The following RFLNA variants were observed in gnomAD, a reference collection of about 807,000 sequenced individuals.
The protein encoded by RFLNA is refilin A, also known as refilin-A.
RFLNA carries 5 observed loss-of-function variants against 7.8 expected under a neutral mutation model. The ratio of observed to expected loss-of-function variants is 0.64; its 90% CI spans 0.34 to 1.35. The LOEUF (loss-of-function observed/expected upper bound fraction) is 1.35, where lower values mean the gene tolerates loss of function less well. Among genes scored for constraint, RFLNA ranks in the 40% most tolerant of loss-of-function variants. RFLNA has a pLI of 0.04. For missense variants in RFLNA, 278 were observed against 305.5 expected (o/e 0.91, Z 0.67); for synonymous variants, 141 against 131.3 (o/e 1.07, Z -0.50).
In RFLNA at chr12:124,304,530, G is replaced by A. The variant is rs1421306405; in HGVS notation, c.208-7288G>A. On this transcript the variant is annotated intron_variant, in intron 1 of 2. Transcript: ENST00000546355. Reference sequence around the variant, plus strand: ...AGGGGCTGCCTTTGTCGGCGCCCACGTTCCAGGTGTGGTGGTATCCGGAGG... The same window carrying A: ...AGGGGCTGCCTTTGTCGGCGCCCACATTCCAGGTGTGGTGGTATCCGGAGG... 7.0e-4 allele frequency among the ~76,000 whole-genome samples: 106 copies of A among 152,366 alleles called. 1 individual carries two copies. The highest frequency in any genetic ancestry group is 5.9e-5 in the Non-Finnish European group (4 of 68,032).
rs761016824 is a variant in RFLNA, at chr12:124,315,052, A to G, written c.*527A>G. On this transcript the variant is annotated 3_prime_UTR_variant, in exon 3 of 3. Coordinates refer to ENST00000546355, the MANE Select transcript of RFLNA (RefSeq NM_001365156.1). ...CAAAACAGCCTTTTCGCACACATGCAGGTTGCACCGAGAGGTCTGGAGCTG... is the reference window on the plus strand; with the variant it reads ...CAAAACAGCCTTTTCGCACACATGCGGGTTGCACCGAGAGGTCTGGAGCTG... 4.2e-5 allele frequency: 10 copies of G among 236,156 alleles called. No homozygotes were observed. Among genetic ancestry groups the G allele is most frequent in the Admixed American group, 3.4e-4 (7 of 20,324 alleles). 14.6% of individuals were successfully genotyped at this position (236,156 alleles called of 1,614,324 possible).
chr12:124,312,286 A>G lies in RFLNA; in HGVS notation c.317+359A>G, dbSNP rs559687469. Among the ~76,000 whole-genome samples, 91 of 149,140 alleles carry G rather than the reference A, an allele frequency of 6.1e-4. 1 individual carries two copies. Among genetic ancestry groups the G allele is most frequent in the Non-Finnish European group, 1.1e-3 (74 of 67,450 alleles). ...AAATTATGAACATAACCACTTGTGC[A>G]CCCTAACTCTACCTCCCTTCTCCTG... On this transcript the variant is annotated intron_variant, in intron 2 of 2. Transcript: ENST00000546355.
In RFLNA at chr12:124,308,433, G is replaced by T. The variant is rs75914057; in HGVS notation, c.208-3385G>T. ...AGGGTCTGCGTGGACATGGGCTTTG[G>T]GGGGGGACCCTGTTCTACCCACACT... is the stretch of plus-strand genomic sequence containing the variant. On this transcript the variant is annotated intron_variant, in intron 1 of 2. Coordinates refer to ENST00000546355, the MANE Select transcript of RFLNA (RefSeq NM_001365156.1). 1.9e-4 allele frequency among the ~76,000 whole-genome samples: 29 copies of T among 152,168 alleles called. 1 individual carries two copies. In the East Asian group the frequency reaches 1.9e-3, roughly 10 times the overall value.
Position 124,314,406 on chromosome 12 carries a change from A to G in RFLNA, c.532A>G (p.Thr178Ala). The change falls in exon 3 of 3, where the codon ACT becomes GCT. Residue 178 changes from threonine (T) to alanine (A), a missense_variant. Thr to Ala is a moderately conservative substitution (Grantham distance 58). Coordinates refer to ENST00000546355, the MANE Select transcript of RFLNA (RefSeq NM_001365156.1). ...TIIFPKHARS[T>A]FRTTLHCSLG... ...CATCTTCCCCAAGCATGCCAGGAGC[A>G]CTTTCCGGACCACCCTGCACTGCAG... The G allele has an allele frequency of 6.2e-7, 1 of 1,608,544 alleles. No individual in the cohort carries two copies. Among genetic ancestry groups the G allele is most frequent in the South Asian group, 1.1e-5 (1 of 91,088 alleles).
chr12:124,308,800 C>G (rs1257208972), intron 1 of RFLNA, among the ~76,000 whole-genome samples: 1 of 152,250 alleles, frequency 6.6e-6, no homozygotes, highest in Non-Finnish European at 1.5e-5. Flanking sequence ...CTGCACACAG[C>G]AGGCAGTGGT....
At chr12:124,311,544 G>A (rs1054032038) in intron 1 of RFLNA, among the ~76,000 whole-genome samples, 1 of 152,222 alleles carries the variant, frequency 6.6e-6, no homozygotes, top group Non-Finnish European at 1.5e-5. Context: ...TGCAGTGAGA[G>A]GCCATGACCA....
chr12:124,300,096 G>GC (rs1340809340), intron 1 of RFLNA, among the ~76,000 whole-genome samples: 1 of 152,222 alleles, frequency 6.6e-6, no homozygotes, highest in African/African-American at 2.4e-5. Flanking sequence ...CAAATGAACA[G>GC]CCCCCCTGTG....
intron 1 of RFLNA, among the ~76,000 whole-genome samples, chr12:124,298,690 G>A (rs2033973728): frequency 6.6e-6 from 1 of 152,250 alleles, no homozygotes; most frequent in African/African-American, 2.4e-5. Context: ...TGAACTATGT[G>A]TGGCAGCAGC....
At chr12:124,294,532 C>G (rs1431483467), upstream of RFLNA, among the ~76,000 whole-genome samples, 1 of 152,200 alleles carries the variant, frequency 6.6e-6, no homozygotes, top group African/African-American at 2.4e-5. Flanking sequence ...GAGCGAGGAC[C>G]TGCCTGGAAA....
rs944343012 is a variant in RFLNA at position 124,314,580 on chromosome 12, C to T, written c.*55C>T. The T allele has an allele frequency of 4.0e-5, 62 of 1,535,574 alleles. No homozygotes were observed. Among genetic ancestry groups the T allele is most frequent in the East Asian group, 1.5e-4 (6 of 40,878 alleles). The stretch of plus-strand genomic sequence containing the variant: ...GGAGCCGGGAGCCCTGGGGAGAAGC[C>T]GGGAGGATGGACACGATGAGCTCGG... On this transcript the variant is annotated 3_prime_UTR_variant, in exon 3 of 3. Transcript: ENST00000546355.
chr12:124,308,618 G>A (rs1225126518), intron 1 of RFLNA, among the ~76,000 whole-genome samples: 2 of 152,176 alleles, frequency 1.3e-5, no homozygotes, highest in Non-Finnish European at 2.9e-5. Flanking sequence ...ACCAGACTGT[G>A]ACCTCCCTTG....
At chr12:124,313,709 T>C (rs1245481718) in intron 2 of RFLNA, among the ~76,000 whole-genome samples, 1 of 151,050 alleles carries the variant, frequency 6.6e-6, no homozygotes, top group Non-Finnish European at 1.5e-5. Flanking sequence ...CATGTGCCTC[T>C]CAAACAGATT....
intron 2 of RFLNA, among the ~76,000 whole-genome samples, chr12:124,313,506 G>A (rs1213441123): frequency 1.3e-5 from 2 of 152,096 alleles, no homozygotes; most frequent in African/African-American, 4.8e-5. Context: ...GTGAAACTCC[G>A]TCTCTACTAA....
rs956306759 is a variant in RFLNA, at chr12:124,295,501, C to T, written c.72C>T (p.Asp24=). ...AGCAGGGCCGGGAGGGCTTGCTGGA[C>T]AGCCCCGACTCCGGGCTGCCCCCCA... ...LKEQGREGLL[D]SPDSGLPPSP... The change falls in exon 1 of 3, where the codon GAC becomes GAT. Residue 24 remains aspartate, a synonymous_variant. Coordinates refer to ENST00000546355, the MANE Select transcript of RFLNA (RefSeq NM_001365156.1). 8 of 1,278,350 alleles carry T rather than the reference C, an allele frequency of 6.3e-6. No individual in the cohort carries two copies. In the African/African-American group the frequency reaches 1.1e-4, roughly 17 times the overall value. The allele number at this position is 1,278,350 out of a possible 1,614,324, so 79.2% of individuals were successfully genotyped here.
intron 1 of RFLNA, among the ~76,000 whole-genome samples, chr12:124,310,172 CAAAAAAAAAA>C (rs71088996): frequency 1.2e-4 from 2 of 17,090 alleles, no homozygotes; most frequent in Non-Finnish European, 2.4e-4. Context: ...GACTCTGTCT[CAAAAAAAAAA>C]AAAAAAAAAA....
rs774199940 is a variant in RFLNA, at chr12:124,289,343, C to T, written c.-64C>T. On this transcript the variant is annotated 5_prime_UTR_variant, in exon 1 of 3. Coordinates refer to the RFLNA transcript ENST00000324038. This position sits in a 1 kb window ranked among gnomAD's most constrained non-coding sequence, Gnocchi z 5.0. ...TCCAGCCGGGAAGAAGCCTCTCAGCCGTAGGCGTCTTTGCCCGGAGCTGTG... is the reference window on the plus strand; with the variant it reads ...TCCAGCCGGGAAGAAGCCTCTCAGCTGTAGGCGTCTTTGCCCGGAGCTGTG... The T allele has an allele frequency of 6.6e-5, 10 of 152,326 alleles. No homozygotes were observed. The highest frequency in any genetic ancestry group is 1.0e-4 in the Non-Finnish European group (7 of 68,036). The allele number at this position is 152,326 out of a possible 1,614,324, so 9.4% of individuals were successfully genotyped here. A position where few individuals can be genotyped will look rare whatever the true frequency, so the allele number is the denominator to read the frequency against.
intron 1 of RFLNA, among the ~76,000 whole-genome samples, chr12:124,300,100 C>T (rs1021415844): frequency 2.0e-5 from 3 of 152,172 alleles, no homozygotes; most frequent in African/African-American, 7.2e-5. Flanking sequence ...TGAACAGCCC[C>T]CCTGTGGCAA....
At position 124,306,433 on chromosome 12, in the gene RFLNA, G is replaced by T. The variant is rs1054198316; in HGVS notation, c.208-5385G>T. On this transcript the variant is annotated intron_variant, in intron 1 of 2. Transcript: ENST00000546355. The surrounding 1 kb of genome is among the most constrained non-coding windows in gnomAD (Gnocchi z 5.2). ...AGACAAGGGGCCGAGACAGGAACAG[G>T]CAGAGGCCCGAGTGGGAATCCTTGA... Among the ~76,000 whole-genome samples, 1 of 152,218 alleles carries T rather than the reference G, an allele frequency of 6.6e-6. No homozygotes were observed. Among genetic ancestry groups the T allele is most frequent in the Non-Finnish European group, 1.5e-5 (1 of 68,002 alleles).
intron 1 of RFLNA, among the ~76,000 whole-genome samples, chr12:124,300,384 A>G (rs917119715): frequency 1.3e-5 from 2 of 151,186 alleles, no homozygotes; most frequent in South Asian, 4.2e-4. Context: ...ATCCCTAAGA[A>G]CTCCCCTGGG....
Sources: gnomAD v4.1 joint callset for allele counts (sites outside exome capture counted in the v4.1 genomes callset) on GRCh38, gnomAD v4.1.1 for gene constraint, Gnocchi (gnomAD v3.1) non-coding constraint, MANE v1.5 for transcripts, NCBI Gene and HGNC (gene_info 2026-07-23, HGNC 2026-07-21) for gene names.